ATP9B: variants seen among roughly 807,000 people sequenced by gnomAD.
The protein encoded by ATP9B is probable phospholipid-transporting ATPase IIB.
ATP9B carries 110 observed loss-of-function variants against 146.1 expected under a neutral mutation model. That is an observed-to-expected ratio of 0.75 (90% confidence interval 0.65 to 0.88). The LOEUF (loss-of-function observed/expected upper bound fraction) is 0.88. Among genes scored for constraint, ATP9B ranks in the 40% least tolerant of loss-of-function variants. The pLI is 0.00. For missense variants in ATP9B, 1,499 were observed against 1,496.4 expected, an observed-to-expected ratio of 1.00 and a Z score of -0.03; for synonymous variants, 604 against 569.7, an observed-to-expected ratio of 1.06 and a Z score of -0.86.
intron 18 of ATP9B, 143 bp from the exon 19 acceptor site, chr18:79,337,135 CT>C: frequency 7.8e-6 from 9 of 1,156,284 alleles, no homozygotes; most frequent in South Asian, 2.8e-5. Flanking sequence ...TGCAGTCCAG[CT>C]CTGTGGAGTA....
At chr18:79,351,370 ACT>A (rs1385353572) in intron 25 of ATP9B, among the ~76,000 whole-genome samples, 1 of 152,148 alleles carries the variant, frequency 6.6e-6, no homozygotes, top group African/African-American at 2.4e-5. Flanking sequence ...ATGTAAAGTA[ACT>A]CTGAGTGTCC....
chr18:79,259,310 C>T (rs2096116344), intron 12 of ATP9B, among the ~76,000 whole-genome samples: 1 of 152,188 alleles, frequency 6.6e-6, no homozygotes, highest in Non-Finnish European at 1.5e-5. Context: ...AGGTCAGGGA[C>T]TTGCAGTTAC....
chr18:79,092,435 A>G (rs1377972517), intron 1 of ATP9B, among the ~76,000 whole-genome samples: 2 of 152,192 alleles, frequency 1.3e-5, no homozygotes, highest in African/African-American at 4.8e-5. Flanking sequence ...CATACAGGAC[A>G]CAAATTTACA....
At chr18:79,119,586 T>A (rs896120749) in intron 4 of ATP9B, among the ~76,000 whole-genome samples, 2 of 152,246 alleles carry the variant, frequency 1.3e-5, no homozygotes, top group Admixed American at 6.5e-5. Flanking sequence ...TTTAAGATTT[T>A]AGAGAAGTGA....
chr18:79,303,029 GA>G lies in ATP9B; in HGVS notation c.1412-572del, dbSNP rs1353523150. 1.5e-4 allele frequency among the ~76,000 whole-genome samples: 23 copies of G among 152,168 alleles called. 1 individual carries two copies. Reference sequence around the variant, plus strand: ...TCGTTCCAAATAACAGATCTGAGCTGAAAGGCAATGACGGACTTTCTTCATA... The same window carrying G: ...TCGTTCCAAATAACAGATCTGAGCTGAAGGCAATGACGGACTTTCTTCATA... On this transcript the variant is annotated intron_variant, in intron 13 of 29. Transcript: ENST00000426216.
chr18:79,259,381 A>T (rs1329966286), intron 12 of ATP9B, among the ~76,000 whole-genome samples: 3 of 152,062 alleles, frequency 2.0e-5, no homozygotes, highest in Non-Finnish European at 4.4e-5. Flanking sequence ...ATTGTAGTTG[A>T]TAATGCAAAA....
intron 13 of ATP9B, among the ~76,000 whole-genome samples, chr18:79,295,036 G>A (rs561200665): frequency 5.8e-4 from 88 of 152,234 alleles, no homozygotes; most frequent in African/African-American, 2.0e-3. Flanking sequence ...CATTTTCTGT[G>A]TGTTTTGGTT....
rs927635824 is a variant in ATP9B, at chr18:79,327,557, G to T, written c.1774-1584G>T. 9.3e-4 allele frequency among the ~76,000 whole-genome samples: 121 copies of T among 129,544 alleles called. 1 individual carries two copies. The highest frequency in any genetic ancestry group is 3.5e-3 in the African/African-American group (115 of 32,618). The allele number at this position is 129,544 out of a possible 152,430, so 85.0% of individuals were successfully genotyped here. ...GGTTAGCGTGCTCTCCGTGGTTAGC[G>T]TGCTCTCCGTGGTTAGCGTGCTCTC... On this transcript the variant is annotated intron_variant, in intron 15 of 29. Transcript: ENST00000426216.
chr18:79,271,687 C>A (rs2096256606), intron 12 of ATP9B, among the ~76,000 whole-genome samples: 1 of 151,570 alleles, frequency 6.6e-6, no homozygotes, highest in Non-Finnish European at 1.5e-5. Context: ...TGAATAGTGC[C>A]GCAATAAACA....
intron 9 of ATP9B, among the ~76,000 whole-genome samples, chr18:79,206,194 C>G (rs1243455351): frequency 1.3e-5 from 2 of 152,174 alleles, no homozygotes; most frequent in African/African-American, 4.8e-5. Context: ...CCCACCTCGG[C>G]CTCCCAAAGT....
At chr18:79,172,813 GTTT>G (rs2095099516) in intron 7 of ATP9B, among the ~76,000 whole-genome samples, 1 of 152,244 alleles carries the variant, frequency 6.6e-6, no homozygotes, top group African/African-American at 2.4e-5. Context: ...TTGTTTACAG[GTTT>G]TTGTTATAAA....
intron 7 of ATP9B, among the ~76,000 whole-genome samples, chr18:79,162,106 G>GA (rs1318632750): frequency 1.3e-5 from 2 of 151,998 alleles, no homozygotes; most frequent in Admixed American, 6.6e-5. Flanking sequence ...GTTTCAGTTT[G>GA]AAAAAATCTG....
At chr18:79,102,489 C>G (rs1038589392) in intron 2 of ATP9B, among the ~76,000 whole-genome samples, 2 of 152,140 alleles carry the variant, frequency 1.3e-5, no homozygotes, top group Non-Finnish European at 2.9e-5. Context: ...GTTCTCTTCT[C>G]CATCTCATCA....
intron 15 of ATP9B, among the ~76,000 whole-genome samples, chr18:79,322,153 C>T (rs1031263469): frequency 2.0e-5 from 3 of 152,106 alleles, no homozygotes; most frequent in Non-Finnish European, 4.4e-5. Context: ...AATTACAGGA[C>T]TGCGTCATCC....
chr18:79,133,223 T>G (rs1373647602), intron 5 of ATP9B, among the ~76,000 whole-genome samples: 1 of 152,090 alleles, frequency 6.6e-6, no homozygotes, highest in Non-Finnish European at 1.5e-5. Context: ...CATTTTTGTT[T>G]CCGTGGTCTG....
intron 9 of ATP9B, among the ~76,000 whole-genome samples, chr18:79,202,162 C>T (rs941014357): frequency 3.9e-5 from 6 of 152,144 alleles, no homozygotes; most frequent in African/African-American, 9.7e-5. Context: ...GGAGATGTGG[C>T]GCTGTGATGG....
intron 10 of ATP9B, chr18:79,209,783 T>G (rs2095567196): frequency 1.7e-6 from 1 of 594,922 alleles, no homozygotes; most frequent in Non-Finnish European, 2.1e-6. Context: ...TTTCAGCTCT[T>G]TTAGTACATA....
At chr18:79,288,845 A>G (rs1363036758) in intron 13 of ATP9B, among the ~76,000 whole-genome samples, 1 of 152,136 alleles carries the variant, frequency 6.6e-6, no homozygotes, top group Non-Finnish European at 1.5e-5. Context: ...GCTTGTCTGT[A>G]AAGTATTTTA....
chr18:79,372,033 A>C (rs2097074211), intron 26 of ATP9B, among the ~76,000 whole-genome samples: 1 of 152,270 alleles, frequency 6.6e-6, no homozygotes, highest in Admixed American at 6.5e-5. Flanking sequence ...TCACATAAAG[A>C]CAGGGCCTCT....
Sources: allele counts gnomAD v4.1 joint callset (sites outside exome capture counted in the v4.1 genomes callset), GRCh38; gene constraint gnomAD v4.1.1; transcripts MANE v1.5; gene names NCBI Gene and HGNC (gene_info 2026-07-23, HGNC 2026-07-21).